The following C4orf54 variants were observed in gnomAD, a reference collection of about 807,000 sequenced individuals.
The protein encoded by C4orf54 is uncharacterized protein C4orf54.
C4orf54 carries 67 observed loss-of-function variants against 80.1 expected under a neutral mutation model. The ratio of observed to expected loss-of-function variants is 0.84; its 90% CI spans 0.69 to 1.03. The LOEUF (loss-of-function observed/expected upper bound fraction) is 1.03, where lower values mean the gene tolerates loss of function less well. C4orf54 is among the 50% of genes least tolerant of loss of function. C4orf54 has a pLI of 0.00. For synonymous variants in C4orf54, 1,000 were observed against 917.0 expected, an observed-to-expected ratio of 1.09 and a Z score of -1.64; for missense variants, 2,434 against 2,253.5, an observed-to-expected ratio of 1.08 and a Z score of -1.62.
Position 99,649,792 on chromosome 4 carries a change from GC to G in C4orf54, c.4856del (p.Gly1619AlafsTer13). The G allele has an allele frequency of 6.5e-7, 1 of 1,536,130 alleles. No homozygotes were observed. The highest frequency in any genetic ancestry group is 2.4e-5 in the East Asian group (1 of 40,916). Reference protein sequence around the residue: ...QRKMLLDVTTGQYYLVDTPVQ... With the variant: ...QRKMLLDVTTXQYYLVDTPVQ... ...CTGGTGTGTCCACCAGATAGTACTG[GC>G]CTGTTGTCACATCCAGGAGCATCTT... On this transcript the variant is annotated frameshift_variant, in exon 2 of 3. Transcript: ENST00000511828. LOFTEE classifies it low-confidence loss of function (END_TRUNC).
chr4:99,650,030 C>CG lies in C4orf54; in HGVS notation c.4618dup (p.Arg1540ProfsTer72). The CG allele has an allele frequency of 2.6e-6, 4 of 1,535,360 alleles. No homozygotes were observed. Among genetic ancestry groups the CG allele is most frequent in the Non-Finnish European group, 3.5e-6 (4 of 1,146,686 alleles). The stretch of plus-strand genomic sequence containing the variant: ...CCCTGGGGGGGCAGCTACTGTCTCC[C>CG]GGGGGTTGTCAGGTTTGGTACGCCA... On this transcript the variant is annotated frameshift_variant, in exon 2 of 3. Transcript: ENST00000511828. LOFTEE classifies it low-confidence loss of function (END_TRUNC).
intron 1 of C4orf54, among the ~76,000 whole-genome samples, 119 bp downstream of exon 1, chr4:99,657,376 C>T (rs871320): frequency 6.6e-6 from 1 of 152,160 alleles, no homozygotes; most frequent in Non-Finnish European, 1.5e-5. Flanking sequence ...AACATAATTG[C>T]TTAATACCCA....
Position 99,638,208 on chromosome 4 carries a change from C to A in C4orf54, c.*3025G>T, listed in dbSNP as rs778332492. On this transcript the variant is annotated 3_prime_UTR_variant, in exon 3 of 3. Coordinates refer to ENST00000511828, the MANE Select transcript of C4orf54 (RefSeq NM_001354435.2). Reference sequence around the variant, plus strand: ...TGATTTGCTTTAGCTTATTTACTCCCTGATAAATGGACATATAGAGAGCCT... The same window carrying A: ...TGATTTGCTTTAGCTTATTTACTCCATGATAAATGGACATATAGAGAGCCT... 22 of 152,060 alleles carry A rather than the reference C, an allele frequency of 1.4e-4. No individual in the cohort carries two copies. Among genetic ancestry groups the A allele is most frequent in the African/African-American group, 3.4e-4 (14 of 41,408 alleles). The allele number at this position is 152,060 out of a possible 1,614,324, so 9.4% of individuals were successfully genotyped here.
intron 2 of C4orf54, among the ~76,000 whole-genome samples, chr4:99,646,501 C>T (rs1726703549): frequency 6.6e-6 from 1 of 152,224 alleles, no homozygotes; most frequent in Non-Finnish European, 1.5e-5. Context: ...ATTACCACCT[C>T]CTTTACTGTC....
Position 99,651,941 on chromosome 4 carries a change from G to A in C4orf54, c.2708C>T (p.Pro903Leu). 1 of 1,536,126 alleles carries A rather than the reference G, an allele frequency of 6.5e-7. No individual in the cohort carries two copies. The highest frequency in any genetic ancestry group is 2.4e-5 in the East Asian group (1 of 40,890). ...GCCAGGGCCTGCGTTGCGCTCGCGA[G>A]GAGTACTGGCTTTGAAGACTGGAGA... ...SKSPVFKASTPRERNAGPGRN... is the reference protein window; with the variant it reads ...SKSPVFKASTLRERNAGPGRN... Residue 903 changes from proline (P) to leucine (L), a missense_variant, in exon 2 of 3, where the codon CCT becomes CTT. By Grantham distance (98) the Pro-to-Leu change is moderately conservative (BLOSUM62 -3). Transcript: ENST00000511828.
chr4:99,648,052 CT>C lies in C4orf54; in HGVS notation c.*36+1178del, dbSNP rs56172764. On this transcript the variant is annotated intron_variant, in intron 2 of 2. Transcript: ENST00000511828. ...CTCTTCTTTCCATCTCTTTTTTTTT[CT>C]TTTTTTTTTTTGGTTCAGAATATGA... 1.7e-3 allele frequency among the ~76,000 whole-genome samples: 234 copies of C among 141,426 alleles called. 1 individual carries two copies. The Middle Eastern group carries it at 0.019, about 11-fold the overall frequency. The allele number at this position is 141,426 out of a possible 152,430, so 92.8% of individuals were successfully genotyped here.
chr4:99,647,834 G>A (rs1472807326), intron 2 of C4orf54, among the ~76,000 whole-genome samples: 1 of 152,182 alleles, frequency 6.6e-6, no homozygotes, highest in African/African-American at 2.4e-5. Context: ...GGTGACACAT[G>A]AATGCTAAAA....
rs998356614 is a variant in C4orf54, at chr4:99,649,382, G to C, written c.5267C>G (p.Ala1756Gly). ...TSQLLGAKAFAQLHGKPVISI... is the reference protein window; with the variant it reads ...TSQLLGAKAFGQLHGKPVISI... ...GATGACAGGCTTGCCATGCAGCTGG[G>C]CAAAGGCCTTGGCCCCTAGGAGCTG... The change falls in exon 2 of 3, where the codon GCC (alanine) becomes GGC (glycine). Residue 1756 changes from alanine (A) to glycine (G), a missense_variant. Ala to Gly is a moderately conservative substitution (Grantham distance 60). Transcript: ENST00000511828. 6.5e-6 allele frequency: 10 copies of C among 1,536,064 alleles called. No individual in the cohort carries two copies. The African/African-American group carries it at 1.2e-4, about 19-fold the overall frequency.
intron 1 of C4orf54, among the ~76,000 whole-genome samples, chr4:99,656,036 G>A (rs544204305): frequency 9.7e-4 from 148 of 152,190 alleles, no homozygotes; most frequent in African/African-American, 3.2e-3. Context: ...CAAGCCTGCC[G>A]TTATCCTCTC....
rs1019362645 is a variant in C4orf54 at position 99,653,409 on chromosome 4, C to T, written c.1240G>A (p.Glu414Lys). 6.5e-7 allele frequency: 1 copy of T among 1,536,230 alleles called. No individual in the cohort carries two copies. Among genetic ancestry groups the T allele is most frequent in the Non-Finnish European group, 8.7e-7 (1 of 1,146,906 alleles). Residue 414 changes from glutamate (E) to lysine (K), a missense_variant, in exon 2 of 3, where the codon GAG (glutamate) becomes AAG (lysine). Physicochemically the swap from Glu to Lys is moderately conservative, Grantham distance 56. Transcript: ENST00000511828. ...AGACTGGTGATGTCCCCTGGGGTCTCGTCGCTGCCACCAAAGGAAGCATAA... is the reference window on the plus strand; with the variant it reads ...AGACTGGTGATGTCCCCTGGGGTCTTGTCGCTGCCACCAAAGGAAGCATAA... The part of the protein sequence containing the change: ...VDYASFGGSD[E>K]TPGDITSLTE...
Position 99,651,874 on chromosome 4 carries a change from T to C in C4orf54, c.2775A>G (p.Lys925=), listed in dbSNP as rs1429459472. The part of the protein sequence containing the change: ...TDGHTEVCEI[K]KSASETVKGI... ...CCTTGACGGTCTCTGAGGCACTCTT[T>C]TTAATTTCACACACTTCTGTGTGTC... Residue 925 remains lysine, a synonymous_variant, in exon 2 of 3, where the codon AAA becomes AAG. Transcript: ENST00000511828. The C allele has an allele frequency of 2.0e-6, 3 of 1,536,146 alleles. No individual in the cohort carries two copies. In the Admixed American group the frequency reaches 5.9e-5, roughly 30 times the overall value.
Position 99,651,606 on chromosome 4 carries a change from G to A in C4orf54, c.3043C>T (p.Gln1015Ter). Residue 1015 changes from glutamine to a stop codon, truncating the protein, a stop_gained, in exon 2 of 3, where the codon CAG (glutamine) becomes TAG (stop). Transcript: ENST00000511828. LOFTEE classifies it high-confidence loss of function. ...CTGATCACCGCTGTGGAGGTGGCCT[G>A]AGCAGCAGGGTACTTGGTGGCCTGC... ...RKQATKYPAAQATSTAVIRPK... is the reference protein window; with the variant it reads ...RKQATKYPAA 6.5e-7 allele frequency: 1 copy of A among 1,536,100 alleles called. No individual in the cohort carries two copies. The highest frequency in any genetic ancestry group is 8.7e-7 in the Non-Finnish European group (1 of 1,146,894).
At chr4:99,645,161 C>T (rs1726679155) in intron 2 of C4orf54, among the ~76,000 whole-genome samples, 1 of 151,940 alleles carries the variant, frequency 6.6e-6, no homozygotes, top group Non-Finnish European at 1.5e-5. Context: ...CTCTGAGTGC[C>T]AATTTCCTCT....
Position 99,637,591 on chromosome 4 carries a change from C to T in C4orf54, c.*3642G>A, listed in dbSNP as rs1726529092. On this transcript the variant is annotated 3_prime_UTR_variant, in exon 3 of 3. Transcript: ENST00000511828. Reference sequence around the variant, plus strand: ...TCTCTTGATAATATATATCTTATTTCTACATATATCTCCTTAGAAATTATG... The same window carrying T: ...TCTCTTGATAATATATATCTTATTTTTACATATATCTCCTTAGAAATTATG... 6.6e-6 allele frequency: 1 copy of T among 152,150 alleles called. No homozygotes were observed. The highest frequency in any genetic ancestry group is 2.1e-4 in the South Asian group (1 of 4,834). 9.4% of individuals were successfully genotyped at this position (152,150 alleles called of 1,614,324 possible).
At chr4:99,656,426 C>T (rs900343738) in intron 1 of C4orf54, among the ~76,000 whole-genome samples, 4 of 152,022 alleles carry the variant, frequency 2.6e-5, no homozygotes, top group African/African-American at 9.7e-5. Context: ...ACCACAGGAG[C>T]ACCCCACCAC....
Position 99,650,386 on chromosome 4 carries a change from C to T in C4orf54, c.4263G>A (p.Pro1421=), listed in dbSNP as rs758028790. 9.1e-6 allele frequency: 14 copies of T among 1,535,896 alleles called. No homozygotes were observed. The highest frequency in any genetic ancestry group is 8.3e-5 in the South Asian group (7 of 84,052). ...TGCCCTTAGCTGCTGAAGGACTCTC[C>T]GGAGAAGGCCCTTGTGGGAACTTGC... ...VAGKFPQGPS[P]ESPSAAKGIK... Residue 1421 remains proline, a synonymous_variant, in exon 2 of 3, where the codon CCG becomes CCA. Transcript: ENST00000511828.
chr4:99,640,516 C>T lies in C4orf54; in HGVS notation c.*717G>A. 6.6e-6 allele frequency: 1 copy of T among 152,256 alleles called. No homozygotes were observed. The highest frequency in any genetic ancestry group is 1.5e-5 in the Non-Finnish European group (1 of 67,986). The allele number at this position is 152,256 out of a possible 1,614,324, so 9.4% of individuals were successfully genotyped here. A position where few individuals can be genotyped will look rare whatever the true frequency, so the allele number is the denominator to read the frequency against. On this transcript the variant is annotated 3_prime_UTR_variant, in exon 3 of 3. Transcript: ENST00000511828. ...AATTTTAGATGCAATCATTGGCTTT[C>T]CAGTATTTCAAGCCATTCTATTTTA...
rs1047256067 is a variant in C4orf54 at position 99,653,860 on chromosome 4, A to G, written c.789T>C (p.Gly263=). 1.3e-6 allele frequency: 2 copies of G among 1,535,952 alleles called. No individual in the cohort carries two copies. The highest frequency in any genetic ancestry group is 1.4e-5 in the African/African-American group (1 of 72,964). The stretch of plus-strand genomic sequence containing the variant: ...AGGATGAGGAAGATGAGAAATTGCC[A>G]CCCTCTTCAGAGGCAGAGTGCTGGG... ...SRSQHSASEE[G]GNFSSSSSSS... The change falls in exon 2 of 3, where the codon GGT becomes GGC. Residue 263 remains glycine (G), a synonymous_variant. Transcript: ENST00000511828.
At position 99,654,550 on chromosome 4, in the gene C4orf54, G is replaced by C. The variant is rs1240584699; in HGVS notation, c.99C>G (p.Cys33Trp). ...GCTGTCCTGTCCAGTTGTTTGCCTG[G>C]CACCGTCGGCAGCAGCGAGGAGTCT... ...GIQTPRCCRR[C>W]QANNWTGQLS... The change falls in exon 2 of 3, where the codon TGC (cysteine) becomes TGG (tryptophan). Residue 33 changes from cysteine (C) to tryptophan (W), a missense_variant. Transcript: ENST00000511828. 2 of 701,612 alleles carry C rather than the reference G, an allele frequency of 2.9e-6. No individual in the cohort carries two copies. Among genetic ancestry groups the C allele is most frequent in the East Asian group, 5.4e-5 (2 of 37,266 alleles). The allele number at this position is 701,612 out of a possible 1,614,324, so 43.5% of individuals were successfully genotyped here.
Sources: gnomAD v4.1 joint callset for allele counts (sites outside exome capture counted in the v4.1 genomes callset) on GRCh38, gnomAD v4.1.1 for gene constraint, MANE v1.5 for transcripts, NCBI Gene and HGNC (gene_info 2026-07-23, HGNC 2026-07-21) for gene names.